Variants in MYO9A observed in about 807,000 individuals in gnomAD.
MYO9A encodes the protein myosin IXA.
In MYO9A, 103 loss-of-function variants were observed where a neutral mutation model predicts 293.3. The observed-to-expected ratio is 0.35, with a 90% confidence interval of 0.30 to 0.41. MYO9A has a LOEUF of 0.41. Among genes scored for constraint, MYO9A ranks in the 10% least tolerant of loss-of-function variants. The probability of loss-of-function intolerance (pLI) is 1.00; values close to 1 mark genes in which losing one functional copy is unlikely to be tolerated. For synonymous variants in MYO9A, 1,001 were observed against 1,035.7 expected (o/e 0.97, Z 0.64); for missense variants, 2,685 against 3,033.0 (o/e 0.89, Z 2.69).
In MYO9A at chr15:71,880,452, C is replaced by T. The variant is rs1567224951; in HGVS notation, c.5505G>A (p.Lys1835=). ...CCACGTTGCTAATCTTCACACTTCG[C>T]TTGCGCTTAGCCTTTGGAGAAGGTT... The part of the protein sequence containing the change: ...NKEPSPKAKR[K]RSVKISNVAL... The change falls in exon 29 of 42, where the codon AAG becomes AAA. Residue 1835 remains lysine (K), a synonymous_variant. Transcript: ENST00000356056. The T allele has an allele frequency of 1.2e-6, 2 of 1,614,210 alleles. No individual in the cohort carries two copies. Among genetic ancestry groups the T allele is most frequent in the East Asian group, 2.2e-5 (1 of 44,880 alleles).
chr15:71,926,292 C>T (rs757276932), intron 18 of MYO9A, among the ~76,000 whole-genome samples: 48 of 152,112 alleles, frequency 3.2e-4, no homozygotes, highest in African/African-American at 9.4e-4. Context: ...AGCCATGCAC[C>T]GTGGTATATG....
At chr15:72,047,212 A>C (rs894022739) in intron 1 of MYO9A, among the ~76,000 whole-genome samples, 3 of 152,130 alleles carry the variant, frequency 2.0e-5, no homozygotes, top group Non-Finnish European at 4.4e-5. Context: ...GCTCTGACTC[A>C]CTCCCTCCCA....
At chr15:71,993,328 CA>C (rs925384477) in intron 10 of MYO9A, among the ~76,000 whole-genome samples, 1 of 146,934 alleles carries the variant, frequency 6.8e-6, no homozygotes, top group Admixed American at 6.7e-5. Context: ...CCAGCTTGGG[CA>C]AAAAAAATGA....
rs997563758 is a variant in MYO9A at position 71,910,696 on chromosome 15, T to C, written c.2685+5674A>G. 4.6e-5 allele frequency among the ~76,000 whole-genome samples: 7 copies of C among 152,332 alleles called. No individual in the cohort carries two copies. The East Asian group carries it at 7.7e-4, about 17-fold the overall frequency. On this transcript the variant is annotated intron_variant, in intron 19 of 41. Transcript: ENST00000356056. Reference sequence around the variant, plus strand: ...TAACAGTATTGCTTTGTGGTATTAATTGGCATTTCCCTCATGAATAATAAT... The same window carrying C: ...TAACAGTATTGCTTTGTGGTATTAACTGGCATTTCCCTCATGAATAATAAT...
At chr15:72,106,079 ATATTT>A (rs1174789815) in intron 1 of MYO9A, among the ~76,000 whole-genome samples, 1 of 152,230 alleles carries the variant, frequency 6.6e-6, no homozygotes, top group Non-Finnish European at 1.5e-5. Flanking sequence ...GAGAATACAT[ATATTT>A]TATTTTTGAA....
chr15:71,918,617 GA>G (rs2058074078), intron 18 of MYO9A, among the ~76,000 whole-genome samples: 1 of 152,116 alleles, frequency 6.6e-6, no homozygotes, highest in African/African-American at 2.4e-5. Flanking sequence ...GTATATTCAT[GA>G]AAAGTAATTT....
chr15:71,872,578 C>A (rs948187364), intron 32 of MYO9A, among the ~76,000 whole-genome samples: 7 of 151,994 alleles, frequency 4.6e-5, no homozygotes, highest in African/African-American at 1.2e-4. Flanking sequence ...CTCACATGTA[C>A]CCCCAAAATA....
chr15:72,075,213 G>T (rs978820563), intron 1 of MYO9A, among the ~76,000 whole-genome samples: 2 of 151,684 alleles, frequency 1.3e-5, no homozygotes, highest in African/African-American at 4.8e-5. Context: ...TGATCCACCC[G>T]CCTCGGCTTC....
Position 71,933,678 on chromosome 15 carries a change from G to A in MYO9A, c.2554C>T (p.Leu852Phe). The A allele has an allele frequency of 6.2e-7, 1 of 1,607,478 alleles. No individual in the cohort carries two copies. Among genetic ancestry groups the A allele is most frequent in the South Asian group, 1.1e-5 (1 of 89,558 alleles). ...GTTTTCATAGTACTCACCTTTGGAA[G>A]GGCAGGCTTGGATTTGAAATTTTTG... ...RNKNFKSKPALPKHLLEVNSL... is the reference protein window; with the variant it reads ...RNKNFKSKPAFPKHLLEVNSL... Residue 852 changes from leucine to phenylalanine, a missense_variant, in exon 18 of 42, where the codon CTT becomes TTT. By Grantham distance (22) the Leu-to-Phe change is conservative. Around this residue, in one of 10 missense-constraint regions of MYO9A, gnomAD observed 1,434 missense variants for 1,497.7 expected, o/e 0.96. Coordinates refer to ENST00000356056, the MANE Select transcript of MYO9A (RefSeq NM_006901.4).
chr15:71,872,944 G>A (rs767298309), intron 32 of MYO9A, among the ~76,000 whole-genome samples: 23 of 149,612 alleles, frequency 1.5e-4, no homozygotes, highest in South Asian at 2.1e-4. Flanking sequence ...ACAGAGTCTC[G>A]CTCTGTCGCC....
chr15:72,010,499 A>C (rs749004697), intron 6 of MYO9A, 52 bp from the exon 7 acceptor site: 1 of 1,463,100 alleles, frequency 6.8e-7, no homozygotes, highest in Admixed American at 1.8e-5. Flanking sequence ...TTTTAAAATA[A>C]TGTGGGCCAT....
At chr15:72,102,864 G>C (rs2080405567) in intron 1 of MYO9A, among the ~76,000 whole-genome samples, 1 of 151,674 alleles carries the variant, frequency 6.6e-6, no homozygotes, top group Non-Finnish European at 1.5e-5. Context: ...AAAATAAAAG[G>C]TATAAGGATT....
chr15:72,109,663 C>A (rs969410287), intron 1 of MYO9A, among the ~76,000 whole-genome samples: 1 of 151,898 alleles, frequency 6.6e-6, no homozygotes, highest in Non-Finnish European at 1.5e-5. Context: ...CCAAGGCAGG[C>A]GGATCGCTTG....
chr15:71,994,541 G>T lies in MYO9A; in HGVS notation c.1515C>A (p.Ala505=), dbSNP rs144541965. Residue 505 remains alanine, a synonymous_variant, in exon 10 of 42, where the codon GCC becomes GCA. Coordinates refer to ENST00000356056, the MANE Select transcript of MYO9A (RefSeq NM_006901.4). The part of the protein sequence containing the change: ...RNSMAKSLYS[A]LFDWIVFRIN... ...TTCGAAAAACTATCCAGTCAAACAGGGCACTATACAGAGACTTAGCCATGG... is the reference window on the plus strand; with the variant it reads ...TTCGAAAAACTATCCAGTCAAACAGTGCACTATACAGAGACTTAGCCATGG... 719 of 1,610,730 alleles carry T rather than the reference G, an allele frequency of 4.5e-4. 2 individuals carry two copies. Among genetic ancestry groups the T allele is most frequent in the South Asian group, 2.3e-3 (211 of 90,096 alleles).
intron 1 of MYO9A, among the ~76,000 whole-genome samples, chr15:72,073,391 C>A (rs1375297982): frequency 6.6e-6 from 1 of 152,160 alleles, no homozygotes; most frequent in Non-Finnish European, 1.5e-5. Context: ...CAAAATAATA[C>A]CATCTTGCAA....
chr15:71,837,978 G>A (rs1209232477), intron 39 of MYO9A, among the ~76,000 whole-genome samples: 2 of 151,832 alleles, frequency 1.3e-5, no homozygotes, highest in Non-Finnish European at 2.9e-5. Context: ...TTTTCTTTTG[G>A]ATCCATGTTC....
intron 19 of MYO9A, among the ~76,000 whole-genome samples, chr15:71,907,774 C>T (rs1054327396): frequency 2.6e-5 from 4 of 151,566 alleles, no homozygotes; most frequent in African/African-American, 7.3e-5. Flanking sequence ...GTCCTTCACC[C>T]GCTTTTTGAT....
At chr15:71,985,547 A>G (rs1452402747) in intron 11 of MYO9A, among the ~76,000 whole-genome samples, 1 of 152,166 alleles carries the variant, frequency 6.6e-6, no homozygotes, top group Non-Finnish European at 1.5e-5. Flanking sequence ...CCTAAAGCCT[A>G]TAGGAATTAC....
chr15:72,032,631 A>C (rs1596428156), intron 2 of MYO9A, 43 bp from the exon 3 acceptor site: 1 of 1,504,730 alleles, frequency 6.6e-7, no homozygotes, highest in East Asian at 2.4e-5. Flanking sequence ...TAAAAAAAAA[A>C]AATTTTTTTT....
Sources: gnomAD v4.1 joint callset for allele counts (sites outside exome capture counted in the v4.1 genomes callset) on GRCh38, gnomAD v4.1.1 for gene constraint, gnomAD v4.1.1 regional missense constraint, MANE v1.5 for transcripts, NCBI Gene and HGNC (gene_info 2026-07-23, HGNC 2026-07-21) for gene names.